ABLIM1: variants seen among roughly 807,000 people sequenced by gnomAD.
The protein encoded by ABLIM1 is actin-binding LIM protein 1.
ABLIM1 carries 40 observed loss-of-function variants against 107.0 expected under a neutral mutation model. The ratio of observed to expected loss-of-function variants is 0.37; its 90% CI spans 0.29 to 0.49. ABLIM1 has a LOEUF of 0.49. ABLIM1 is among the 20% of genes least tolerant of loss of function. The pLI, the probability that ABLIM1 is intolerant of heterozygous loss-of-function variation, is 0.97. For synonymous variants in ABLIM1, 357 were observed against 357.3 expected (o/e 1.00, Z 0.01); for missense variants, 857 against 1,008.5 (o/e 0.85, Z 2.04).
intron 6 of ABLIM1, among the ~76,000 whole-genome samples, chr10:114,497,044 C>T (rs2059757467): frequency 6.6e-6 from 1 of 152,184 alleles, no homozygotes; most frequent in South Asian, 2.1e-4. Flanking sequence ...GTTGCTGAAT[C>T]AAAATCATTT....
chr10:114,460,217 C>G (rs2063581103), intron 12 of ABLIM1, among the ~76,000 whole-genome samples: 2 of 152,186 alleles, frequency 1.3e-5, no homozygotes, highest in Admixed American at 1.3e-4. Context: ...AGCCCCTGGA[C>G]AGTTACTTAG....
chr10:114,590,161 C>A (rs1173119341), intron 2 of ABLIM1, among the ~76,000 whole-genome samples: 1 of 152,132 alleles, frequency 6.6e-6, no homozygotes, highest in Non-Finnish European at 1.5e-5. Flanking sequence ...ATAGGCTACA[C>A]CATATGGCCT....
chr10:114,641,623 C>T (rs2078758685), intron 1 of ABLIM1, among the ~76,000 whole-genome samples: 1 of 152,138 alleles, frequency 6.6e-6, no homozygotes, highest in Non-Finnish European at 1.5e-5. Context: ...TAGAGGAAGG[C>T]CTCTTTGAGG....
At chr10:114,475,007 C>T (rs181429112) in intron 8 of ABLIM1, among the ~76,000 whole-genome samples, 4 of 152,298 alleles carry the variant, frequency 2.6e-5, no homozygotes, top group African/African-American at 9.6e-5. Context: ...CCATGTGGAA[C>T]TGGAGTCCAT....
chr10:114,625,118 C>G (rs2077706370), intron 1 of ABLIM1, among the ~76,000 whole-genome samples: 1 of 152,062 alleles, frequency 6.6e-6, no homozygotes, highest in African/African-American at 2.4e-5. Context: ...TGGTGGTGTC[C>G]CCTTTAAAAG....
the ABLIM1 span, among the ~76,000 whole-genome samples, chr10:114,786,045 G>C: frequency 6.6e-6 from 1 of 151,914 alleles, no homozygotes; most frequent in Non-Finnish European, 1.5e-5. Context: ...AGTTTTATAA[G>C]AGTATCAATA....
chr10:114,761,982 T>TGC (rs1389722638), intron 1 of ABLIM1, among the ~76,000 whole-genome samples: 2 of 102,330 alleles, frequency 2.0e-5, no homozygotes, highest in Non-Finnish European at 4.3e-5. Flanking sequence ...CTATCCCATA[T>TGC]GCTCTCTCTC....
chr10:114,540,964 C>T (rs1468865471), intron 6 of ABLIM1, among the ~76,000 whole-genome samples: 1 of 152,110 alleles, frequency 6.6e-6, no homozygotes, highest in Non-Finnish European at 1.5e-5. Context: ...AGCAAAGGAT[C>T]TTGAGATGGT....
At chr10:114,443,965 G>A (rs1010080225) in intron 17 of ABLIM1, 64 bp downstream of exon 17, 2 of 1,334,622 alleles carry the variant, frequency 1.5e-6, no homozygotes, top group Admixed American at 2.0e-5. Flanking sequence ...AACAGTCAAG[G>A]CAGGTGCCTT....
chr10:114,521,066 A>T (rs2063659363), intron 6 of ABLIM1, among the ~76,000 whole-genome samples: 1 of 152,218 alleles, frequency 6.6e-6, no homozygotes, highest in Non-Finnish European at 1.5e-5. Context: ...GCTCATGTTT[A>T]TGTTTATAAA....
At chr10:114,732,574 A>G (rs2082098772) in intron 1 of ABLIM1, among the ~76,000 whole-genome samples, 1 of 152,128 alleles carries the variant, frequency 6.6e-6, no homozygotes, top group Non-Finnish European at 1.5e-5. Flanking sequence ...TATGATTTTG[A>G]TGAAATCTAT....
chr10:114,621,693 A>C (rs971259226), intron 1 of ABLIM1, among the ~76,000 whole-genome samples: 5 of 152,038 alleles, frequency 3.3e-5, no homozygotes, highest in African/African-American at 1.2e-4. Context: ...TGTCCCCTCC[A>C]TTTTGCATTC....
upstream of ABLIM1, among the ~76,000 whole-genome samples, chr10:114,769,172 GAAAAAAAA>G (rs35691537): frequency 3.4e-4 from 16 of 46,520 alleles, no homozygotes; most frequent in East Asian, 1.8e-3. Flanking sequence ...TGTCTTCAAT[GAAAAAAAA>G]AAAAAAAAAA....
At chr10:114,519,359 A>G (rs993704149) in intron 6 of ABLIM1, among the ~76,000 whole-genome samples, 1 of 152,216 alleles carries the variant, frequency 6.6e-6, no homozygotes, top group Non-Finnish European at 1.5e-5. Flanking sequence ...GAGGTAGAGA[A>G]GAGATCTTCC....
At chr10:114,559,541 G>A (rs1332987421) in intron 4 of ABLIM1, among the ~76,000 whole-genome samples, 2 of 151,982 alleles carry the variant, frequency 1.3e-5, no homozygotes, top group African/African-American at 4.8e-5. Flanking sequence ...CATGGCTGTA[G>A]TGGACAGGAT....
At chr10:114,439,315 T>C (rs2059873121) in intron 20 of ABLIM1, 65 bp from the exon 21 acceptor site, 2 of 1,517,224 alleles carry the variant, frequency 1.3e-6, no homozygotes, top group South Asian at 1.1e-5. Context: ...GGGAGTACTC[T>C]TGGGCTCCCA....
the ABLIM1 span, among the ~76,000 whole-genome samples, chr10:114,782,094 C>G: frequency 6.6e-6 from 1 of 151,996 alleles, no homozygotes; most frequent in Admixed American, 6.6e-5. Flanking sequence ...GTGAGAATAT[C>G]CTGAGCTTTA....
intron 1 of ABLIM1, among the ~76,000 whole-genome samples, chr10:114,701,646 T>C (rs1351066778): frequency 1.3e-5 from 2 of 152,062 alleles, no homozygotes; most frequent in South Asian, 2.1e-4. Context: ...TTACACTGAG[T>C]GGAAAAAGCC....
At chr10:114,620,601 G>A (rs1160186353) in intron 1 of ABLIM1, among the ~76,000 whole-genome samples, 2 of 151,846 alleles carry the variant, frequency 1.3e-5, no homozygotes, top group African/African-American at 4.8e-5. Flanking sequence ...TAGTAGAGAC[G>A]GGGTTTCACC....
Sources: gnomAD v4.1 joint callset for allele counts (sites outside exome capture counted in the v4.1 genomes callset) on GRCh38, gnomAD v4.1.1 for gene constraint, MANE v1.5 for transcripts, NCBI Gene and HGNC (gene_info 2026-07-23, HGNC 2026-07-21) for gene names.